Variants in SUPT3H observed in about 807,000 individuals in gnomAD.
SUPT3H encodes SPT3 homolog, SAGA and STAGA complex component.
In SUPT3H, 44 loss-of-function variants were observed where a neutral mutation model predicts 44.3. The observed-to-expected ratio is 0.99, with a 90% CI of 0.78 to 1.28. The LOEUF is 1.28. SUPT3H is among the 50% of genes most tolerant of loss of function. The pLI, the probability that SUPT3H is intolerant of heterozygous loss-of-function variation, is 0.00. For synonymous variants in SUPT3H, 124 were observed against 125.6 expected, an observed-to-expected ratio of 0.99 and a Z score of 0.09; for missense variants, 380 against 387.1, an observed-to-expected ratio of 0.98 and a Z score of 0.15.
chr6:45,023,669 C>T (rs1360327685), intron 3 of SUPT3H, among the ~76,000 whole-genome samples: 1 of 152,050 alleles, frequency 6.6e-6, no homozygotes, highest in Non-Finnish European at 1.5e-5. Flanking sequence ...AACAGAAAAC[C>T]AAATACTGCA....
intron 6 of SUPT3H, among the ~76,000 whole-genome samples, chr6:44,998,011 T>C (rs1163940244): frequency 6.6e-6 from 1 of 151,918 alleles, no homozygotes; most frequent in Non-Finnish European, 1.5e-5. Context: ...CATTTTTCAT[T>C]ATATATACTT....
At chr6:45,345,283 C>A (rs1345908089) in intron 2 of SUPT3H, among the ~76,000 whole-genome samples, 1 of 152,084 alleles carries the variant, frequency 6.6e-6, no homozygotes, top group Non-Finnish European at 1.5e-5. Context: ...ACATGTTTTC[C>A]TATTTGCTAT....
chr6:45,017,617 G>A (rs1298744823), intron 4 of SUPT3H, among the ~76,000 whole-genome samples: 1 of 151,410 alleles, frequency 6.6e-6, no homozygotes, highest in East Asian at 1.9e-4. Context: ...TTTCCCCATT[G>A]CTTGTTTTTC....
intron 11 of SUPT3H, among the ~76,000 whole-genome samples, chr6:44,818,949 T>A (rs73448343): frequency 0.087 from 13,301 of 152,212 alleles, 963 homozygotes; most frequent in African/African-American, 0.2. Flanking sequence ...TTACCATGAG[T>A]CAGTAATCCC....
intron 10 of SUPT3H, among the ~76,000 whole-genome samples, chr6:44,914,985 G>T (rs189325127): frequency 5.3e-5 from 8 of 152,244 alleles, no homozygotes; most frequent in South Asian, 4.1e-4. Context: ...ATGAGATCTG[G>T]ACTCTTACTA....
chr6:45,201,054 T>C (rs150613903), intron 2 of SUPT3H, among the ~76,000 whole-genome samples: 173 of 151,746 alleles, frequency 1.1e-3, no homozygotes, highest in African/African-American at 3.9e-3. Context: ...AAATCAAGCA[T>C]AAAAATATTT....
At chr6:45,295,549 A>AC (rs1781046681) in intron 2 of SUPT3H, among the ~76,000 whole-genome samples, 2 of 103,308 alleles carry the variant, frequency 1.9e-5, no homozygotes, top group African/African-American at 7.4e-5. Flanking sequence ...AAAAAAAAAA[A>AC]AAAAACAGCA....
rs1788433077 is a variant in SUPT3H at position 45,040,923 on chromosome 6, T to C, written c.187-20291A>G. On this transcript the variant is annotated intron_variant, in intron 3 of 10. Coordinates refer to ENST00000371459, the MANE Select transcript of SUPT3H (RefSeq NM_003599.4). ...TGGACCCCAAGCTCTCAATGAGCAATTTATTTTTTCCATTTCAAAATCTTA... is the reference window on the plus strand; with the variant it reads ...TGGACCCCAAGCTCTCAATGAGCAACTTATTTTTTCCATTTCAAAATCTTA... 3.3e-5 allele frequency among the ~76,000 whole-genome samples: 5 copies of C among 152,208 alleles called. No homozygotes were observed. In the South Asian group the frequency reaches 1.0e-3, roughly 31 times the overall value.
chr6:45,092,651 G>A (rs1490375720), intron 3 of SUPT3H, among the ~76,000 whole-genome samples: 3 of 151,590 alleles, frequency 2.0e-5, no homozygotes, highest in African/African-American at 4.9e-5. Context: ...TTGGGGGACC[G>A]AGGCAGGAGA....
intron 2 of SUPT3H, among the ~76,000 whole-genome samples, chr6:45,207,850 T>C (rs937858895): frequency 6.6e-6 from 1 of 152,144 alleles, no homozygotes; most frequent in African/African-American, 2.4e-5. Context: ...AGCCTACCTA[T>C]TCCTCAAGAT....
At chr6:44,923,473 C>T (rs572869769) in intron 10 of SUPT3H, among the ~76,000 whole-genome samples, 11 of 152,098 alleles carry the variant, frequency 7.2e-5, no homozygotes, top group South Asian at 2.1e-4. Flanking sequence ...TAGTAAGTTA[C>T]GTCTTGGAAT....
Position 45,088,206 on chromosome 6 carries a change from T to C in SUPT3H, c.186+17716A>G, listed in dbSNP as rs149542203. 9.9e-5 allele frequency among the ~76,000 whole-genome samples: 15 copies of C among 151,994 alleles called. No individual in the cohort carries two copies. The East Asian group carries it at 2.9e-3, about 29-fold the overall frequency. ...TGTTTAATAAATTATCTAAACTGGG[T>C]TTTAAGAATGTTGAGGTATCTAAGA... On this transcript the variant is annotated intron_variant, in intron 3 of 10. Coordinates refer to ENST00000371459, the MANE Select transcript of SUPT3H (RefSeq NM_003599.4).
At chr6:44,907,374 T>C (rs1766276035) in intron 10 of SUPT3H, among the ~76,000 whole-genome samples, 1 of 152,108 alleles carries the variant, frequency 6.6e-6, no homozygotes, top group Non-Finnish European at 1.5e-5. Flanking sequence ...TCAGTTTTCT[T>C]ACCTATAAAA....
chr6:45,283,864 A>C (rs1488407243), intron 2 of SUPT3H, among the ~76,000 whole-genome samples: 1 of 152,346 alleles, frequency 6.6e-6, no homozygotes, highest in East Asian at 1.9e-4. Flanking sequence ...AATGTAAAAG[A>C]ACAGAAATTA....
chr6:44,945,806 A>G (rs1184725720), intron 9 of SUPT3H, among the ~76,000 whole-genome samples: 1 of 152,200 alleles, frequency 6.6e-6, no homozygotes, highest in African/African-American at 2.4e-5. Context: ...AGTTGTCCTG[A>G]AGGTTAAGCT....
At chr6:44,848,325 A>G (rs974615743) in intron 10 of SUPT3H, among the ~76,000 whole-genome samples, 1 of 152,078 alleles carries the variant, frequency 6.6e-6, no homozygotes, top group Non-Finnish European at 1.5e-5. Context: ...TAGCACGGTG[A>G]CTTTTCTCAA....
intron 2 of SUPT3H, among the ~76,000 whole-genome samples, chr6:45,244,235 C>G (rs1289569989): frequency 1.3e-5 from 2 of 152,126 alleles, no homozygotes; most frequent in Admixed American, 6.6e-5. Context: ...CGTAATTCAC[C>G]TATAGGAGCC....
intron 10 of SUPT3H, among the ~76,000 whole-genome samples, chr6:44,896,314 CATTATT>C (rs533575872): frequency 1.3e-5 from 2 of 152,080 alleles, no homozygotes; most frequent in African/African-American, 4.8e-5. Context: ...TCATCATCAT[CATTATT>C]AACACTTAGG....
chr6:44,964,804 C>T (rs1331080814), intron 6 of SUPT3H, among the ~76,000 whole-genome samples: 1 of 152,170 alleles, frequency 6.6e-6, no homozygotes, highest in Non-Finnish European at 1.5e-5. Context: ...GCTGACTCAA[C>T]AGCAAAGACT....
Sources: allele counts gnomAD v4.1 joint callset (sites outside exome capture counted in the v4.1 genomes callset), GRCh38; gene constraint gnomAD v4.1.1; transcripts MANE v1.5; gene names NCBI Gene and HGNC (gene_info 2026-07-23, HGNC 2026-07-21).